NAALADL2: variants seen among roughly 807,000 people sequenced by gnomAD.
The protein encoded by NAALADL2 is inactive N-acetylated-alpha-linked acidic dipeptidase-like protein 2.
NAALADL2 carries 76 observed loss-of-function variants against 87.2 expected under a neutral mutation model. The ratio of observed to expected loss-of-function variants is 0.87; its 90% CI spans 0.72 to 1.05. The LOEUF is 1.05. Ranked by LOEUF, NAALADL2 falls within the 50% of genes least tolerant of loss-of-function variation. The pLI is 0.00. For synonymous variants in NAALADL2, 354 were observed against 331.0 expected (o/e 1.07, Z -0.75); for missense variants, 1,089 against 945.8 (o/e 1.15, Z -1.99).
chr3:175,508,569 A>G (rs985986637), intron 9 of NAALADL2, among the ~76,000 whole-genome samples: 4 of 152,102 alleles, frequency 2.6e-5, no homozygotes, highest in Admixed American at 1.3e-4. Context: ...CAAAAACAGC[A>G]ATCTTCATAG....
chr3:175,758,993 A>G (rs1559980563), intron 13 of NAALADL2, among the ~76,000 whole-genome samples: 1 of 152,142 alleles, frequency 6.6e-6, no homozygotes, highest in Non-Finnish European at 1.5e-5. Flanking sequence ...CCAAAAAAAT[A>G]TCGTCTCAAT....
rs964434192 is a variant in NAALADL2, at chr3:175,807,065, A to G, written c.*3862A>G. ...CAAGTTTGAAGATATCTATAAGAGCATTAAAAGGCAAGTGCACCATTGTGG... is the reference window on the plus strand; with the variant it reads ...CAAGTTTGAAGATATCTATAAGAGCGTTAAAAGGCAAGTGCACCATTGTGG... On this transcript the variant is annotated 3_prime_UTR_variant, in exon 14 of 14. Coordinates refer to ENST00000454872, the MANE Select transcript of NAALADL2 (RefSeq NM_207015.3). 3 of 151,860 alleles carry G rather than the reference A, an allele frequency of 2.0e-5. No individual in the cohort carries two copies. The highest frequency in any genetic ancestry group is 1.3e-4 in the Admixed American group (2 of 15,170). 9.4% of individuals were successfully genotyped at this position (151,860 alleles called of 1,614,324 possible). A position where few individuals can be genotyped will look rare whatever the true frequency, so the allele number is the denominator to read the frequency against.
intron 11 of NAALADL2, among the ~76,000 whole-genome samples, chr3:175,656,957 C>T (rs768231610): frequency 3.3e-5 from 5 of 152,064 alleles, no homozygotes; most frequent in African/African-American, 4.8e-5. Context: ...ATATGTTGGA[C>T]GTAGAAACTT....
At chr3:174,461,698 A>G (rs909081794) in intron 1 of NAALADL2, among the ~76,000 whole-genome samples, 4 of 152,096 alleles carry the variant, frequency 2.6e-5, no homozygotes, top group African/African-American at 9.6e-5. Flanking sequence ...GCCATGAAAT[A>G]TGATCATTAA....
intron 5 of NAALADL2, among the ~76,000 whole-genome samples, chr3:175,343,317 A>G (rs1223528217): frequency 6.6e-6 from 1 of 151,904 alleles, no homozygotes. Context: ...TGCACACATG[A>G]AAAAAAATGA....
intron 8 of NAALADL2, among the ~76,000 whole-genome samples, chr3:175,471,214 G>A (rs1487621428): frequency 5.9e-5 from 9 of 151,912 alleles, no homozygotes; most frequent in South Asian, 2.1e-4. Flanking sequence ...GGCCGGGTGC[G>A]GTGGCTCACG....
chr3:174,855,902 A>G (rs1725805462), upstream of NAALADL2, among the ~76,000 whole-genome samples: 1 of 143,662 alleles, frequency 7.0e-6, no homozygotes. Flanking sequence ...ATATACACAT[A>G]GATATGAATA....
chr3:175,232,221 A>G (rs114711109), intron 2 of NAALADL2, among the ~76,000 whole-genome samples: 2 of 148,636 alleles, frequency 1.3e-5, no homozygotes, highest in Non-Finnish European at 3.0e-5. Flanking sequence ...GAAGAGAAGA[A>G]GAAGAAGAGG....
At chr3:175,372,483 T>C (rs1391931548) in intron 5 of NAALADL2, among the ~76,000 whole-genome samples, 2 of 152,216 alleles carry the variant, frequency 1.3e-5, no homozygotes, top group African/African-American at 4.8e-5. Context: ...TTGAAGATAT[T>C]AGACCCAAGC....
At chr3:174,529,106 T>A (rs1215265112) in intron 1 of NAALADL2, among the ~76,000 whole-genome samples, 1 of 152,188 alleles carries the variant, frequency 6.6e-6, no homozygotes, top group Non-Finnish European at 1.5e-5. Context: ...TTTGTGCCTG[T>A]AAAATCAAAA....
At chr3:174,668,886 G>A (rs913927386) in intron 2 of NAALADL2, among the ~76,000 whole-genome samples, 4 of 152,264 alleles carry the variant, frequency 2.6e-5, no homozygotes, top group East Asian at 1.9e-4. Flanking sequence ...AAACATGTGT[G>A]CATGTGTCTT....
At chr3:175,540,706 A>G (rs1482680130) in intron 9 of NAALADL2, among the ~76,000 whole-genome samples, 7 of 152,092 alleles carry the variant, frequency 4.6e-5, no homozygotes, top group Admixed American at 2.6e-4. Flanking sequence ...TAGGGTTGAC[A>G]GGCTTTGTTG....
At chr3:175,644,187 T>G (rs889296519) in intron 11 of NAALADL2, among the ~76,000 whole-genome samples, 3 of 152,214 alleles carry the variant, frequency 2.0e-5, no homozygotes, top group African/African-American at 4.8e-5. Flanking sequence ...ACTCTGGCTA[T>G]AAATTTTTTG....
chr3:175,697,824 T>TATATATGTGTATTTATGTATAC (rs1374810950), intron 11 of NAALADL2, among the ~76,000 whole-genome samples: 3 of 103,434 alleles, frequency 2.9e-5, no homozygotes, highest in African/African-American at 1.1e-4. Flanking sequence ...TATGTATACA[T>TATATATGTGTATTTATGTATAC]ATATATGTGT....
At chr3:175,628,774 G>A (rs916977877) in intron 11 of NAALADL2, among the ~76,000 whole-genome samples, 1 of 150,422 alleles carries the variant, frequency 6.6e-6, no homozygotes, top group East Asian at 1.9e-4. Flanking sequence ...ATGGTAAAGC[G>A]AACTGAGTGA....
intron 10 of NAALADL2, among the ~76,000 whole-genome samples, chr3:175,597,777 T>C (rs903506776): frequency 2.0e-5 from 3 of 151,996 alleles, no homozygotes; most frequent in African/African-American, 7.2e-5. Context: ...AAGGATAAAA[T>C]TGTCCCCAGT....
chr3:175,530,849 T>A (rs1262595669), intron 9 of NAALADL2, among the ~76,000 whole-genome samples: 1 of 152,200 alleles, frequency 6.6e-6, no homozygotes, highest in African/African-American at 2.4e-5. Flanking sequence ...CAGTTCCTGA[T>A]GGGCAGTTCA....
At chr3:174,525,552 A>AC (rs1343599275) in intron 1 of NAALADL2, among the ~76,000 whole-genome samples, 6 of 151,698 alleles carry the variant, frequency 4.0e-5, no homozygotes, top group Non-Finnish European at 1.5e-5. Flanking sequence ...TGATCCAGTC[A>AC]CCCCCCAACC....
chr3:174,776,298 A>G (rs1715206815), intron 3 of NAALADL2, among the ~76,000 whole-genome samples: 1 of 152,164 alleles, frequency 6.6e-6, no homozygotes, highest in South Asian at 2.1e-4. Flanking sequence ...GTGACTTCGC[A>G]AAGTGTATAC....
Sources: allele counts gnomAD v4.1 joint callset (sites outside exome capture counted in the v4.1 genomes callset), GRCh38; gene constraint gnomAD v4.1.1; transcripts MANE v1.5; gene names NCBI Gene and HGNC (gene_info 2026-07-23, HGNC 2026-07-21).